Variants in UNC5C observed in about 807,000 individuals in gnomAD.
UNC5C encodes netrin receptor UNC5C.
A neutral mutation model predicts 99.8 loss-of-function variants in UNC5C; 47 were observed. That is an observed-to-expected ratio of 0.47 (90% CI 0.37 to 0.60). UNC5C has a LOEUF of 0.60. Among genes scored for constraint, UNC5C ranks in the 20% least tolerant of loss-of-function variants. UNC5C has a pLI of 0.00. For missense variants in UNC5C, 1,062 were observed against 1,165.9 expected, an observed-to-expected ratio of 0.91 and a Z score of 1.30; for synonymous variants, 487 against 452.2, an observed-to-expected ratio of 1.08 and a Z score of -0.98.
intron 1 of UNC5C, among the ~76,000 whole-genome samples, chr4:95,340,214 T>TGATACATAC (rs1743514507): frequency 6.6e-6 from 1 of 152,088 alleles, no homozygotes; most frequent in Non-Finnish European, 1.5e-5. Context: ...AAGCCTTAAT[T>TGATACATAC]TTCATCAACT....
intron 1 of UNC5C, among the ~76,000 whole-genome samples, chr4:95,399,834 CT>C (rs529728900): frequency 1.1e-3 from 162 of 152,272 alleles, no homozygotes; most frequent in African/African-American, 3.7e-3. Flanking sequence ...CTCCTCAGTA[CT>C]TATTAGAAAC....
Position 95,202,838 on chromosome 4 carries a change from C to T in UNC5C, c.2029G>A (p.Ala677Thr). The change falls in exon 12 of 16, where the codon GCG becomes ACG. Residue 677 changes from alanine to threonine, a missense_variant. Ala to Thr is a moderately conservative substitution (Grantham distance 58). Transcript: ENST00000453304. ...YALVGHSTTK[A>T]AAKRLKLAIF... The stretch of plus-strand genomic sequence containing the variant: ...GCCAGCTTGAGGCGCTTCGCAGCCG[C>T]TTTGGTGGTGGAATGTCCTACCAGG... 1 of 1,614,254 alleles carries T rather than the reference C, an allele frequency of 6.2e-7. No homozygotes were observed. Among genetic ancestry groups the T allele is most frequent in the South Asian group, 1.1e-5 (1 of 91,090 alleles).
intron 2 of UNC5C, among the ~76,000 whole-genome samples, chr4:95,324,427 A>G (rs542963845): frequency 3.9e-5 from 6 of 152,168 alleles, no homozygotes; most frequent in Non-Finnish European, 8.8e-5. Context: ...TCATGCCATT[A>G]TATATTACAA....
At position 95,443,422 on chromosome 4, in the gene UNC5C, T is replaced by C. The variant is rs1747007841; in HGVS notation, c.124+105312A>G. Among the ~76,000 whole-genome samples the C allele has an allele frequency of 2.6e-5, 4 of 152,248 alleles. No individual in the cohort carries two copies. The South Asian group carries it at 8.3e-4, about 31-fold the overall frequency. On this transcript the variant is annotated intron_variant, in intron 1 of 15. Transcript: ENST00000453304. ...GTATTAGTATGTTAAATACTATTTC[T>C]TTAACATTTCTTAACTTTCAAAAGA...
chr4:95,463,861 CA>C (rs1747688660), intron 1 of UNC5C, among the ~76,000 whole-genome samples: 1 of 152,112 alleles, frequency 6.6e-6, no homozygotes, highest in African/African-American at 2.4e-5. Flanking sequence ...CTAGAGAGGG[CA>C]AAAGATATGT....
intron 1 of UNC5C, among the ~76,000 whole-genome samples, chr4:95,463,046 CT>C (rs1276141788): frequency 2.6e-5 from 4 of 152,174 alleles, no homozygotes; most frequent in African/African-American, 9.7e-5. Context: ...GGAAGGTAGT[CT>C]TCCAGCTGCC....
chr4:95,436,565 A>C (rs115583547), intron 1 of UNC5C, among the ~76,000 whole-genome samples: 2,441 of 152,080 alleles, frequency 0.016, 63 homozygotes, highest in African/African-American at 0.054. Context: ...CTTGCTAAAA[A>C]TGTAAAGACT....
At chr4:95,385,568 A>T (rs557489744) in intron 1 of UNC5C, among the ~76,000 whole-genome samples, 17 of 151,708 alleles carry the variant, frequency 1.1e-4, no homozygotes, top group African/African-American at 3.9e-4. Flanking sequence ...GAGAGGAAAT[A>T]AAAAAAAAGT....
intron 2 of UNC5C, among the ~76,000 whole-genome samples, chr4:95,332,254 C>T (rs1227873257): frequency 6.6e-6 from 1 of 151,610 alleles, no homozygotes; most frequent in Non-Finnish European, 1.5e-5. Flanking sequence ...AAAGAGCCCG[C>T]ATCGCCAAGT....
At chr4:95,506,779 A>G (rs1459772951) in intron 1 of UNC5C, among the ~76,000 whole-genome samples, 1 of 151,858 alleles carries the variant, frequency 6.6e-6, no homozygotes, top group Non-Finnish European at 1.5e-5. Context: ...TGATAATAAT[A>G]TATATATTAT....
At chr4:95,453,120 C>G (rs1441955576) in intron 1 of UNC5C, among the ~76,000 whole-genome samples, 1 of 152,138 alleles carries the variant, frequency 6.6e-6, no homozygotes, top group African/African-American at 2.4e-5. Flanking sequence ...AGTTATCTCA[C>G]TCTAACACTG....
chr4:95,325,508 AAT>A (rs1742851127), intron 2 of UNC5C, among the ~76,000 whole-genome samples: 1 of 152,116 alleles, frequency 6.6e-6, no homozygotes, highest in South Asian at 2.1e-4. Flanking sequence ...CTGAGATTTT[AAT>A]TTTTGGTGCC....
chr4:95,199,694 C>T (rs1737578215), intron 12 of UNC5C, among the ~76,000 whole-genome samples: 1 of 152,128 alleles, frequency 6.6e-6, no homozygotes, highest in South Asian at 2.1e-4. Context: ...GAGGAGAGAA[C>T]TATGTGTGTG....
At position 95,548,827 on chromosome 4, in the gene UNC5C, G is replaced by T. The variant is rs745996659; in HGVS notation, c.31C>A (p.Arg11Ser). 1 of 1,613,278 alleles carries T rather than the reference G, an allele frequency of 6.2e-7. No individual in the cohort carries two copies. Among genetic ancestry groups the T allele is most frequent in the Non-Finnish European group, 8.5e-7 (1 of 1,179,966 alleles). The change falls in exon 1 of 16, where the codon CGC becomes AGC. Residue 11 changes from arginine (R) to serine (S), a missense_variant. Around this residue, in one of 3 missense-constraint regions of UNC5C, gnomAD observed 249 missense variants for 295.1 expected, o/e 0.84. Transcript: ENST00000453304. The stretch of plus-strand genomic sequence containing the variant: ...AAGTATCCCAGTCCCAGTCCGCAGC[G>T]GGCCGCTGTCGCCCGCAGACCTTTC... MRKGLRATAA[R>S]CGLGLGYLLQ...
chr4:95,245,452 G>C (rs543487085), intron 5 of UNC5C, among the ~76,000 whole-genome samples: 97 of 152,138 alleles, frequency 6.4e-4, no homozygotes, highest in African/African-American at 2.3e-3. Flanking sequence ...ACCTAGTCAA[G>C]CTCCAAAATT....
rs1328503163 is a variant in UNC5C, at chr4:95,166,831, T to A, written c.*2403A>T. On this transcript the variant is annotated 3_prime_UTR_variant, in exon 16 of 16. Coordinates refer to ENST00000453304, the MANE Select transcript of UNC5C (RefSeq NM_003728.4). Reference sequence around the variant, plus strand: ...GTGTGTGTATAACTGCGTGTATATATATTTGATTTTTAATTTAGAATACAG... The same window carrying A: ...GTGTGTGTATAACTGCGTGTATATAAATTTGATTTTTAATTTAGAATACAG... 6.6e-6 allele frequency: 1 copy of A among 152,186 alleles called. No homozygotes were observed. Among genetic ancestry groups the A allele is most frequent in the African/African-American group, 2.4e-5 (1 of 41,444 alleles). 9.4% of individuals were successfully genotyped at this position (152,186 alleles called of 1,614,324 possible). A position where few individuals can be genotyped will look rare whatever the true frequency, so the allele number is the denominator to read the frequency against.
chr4:95,253,328 T>C (rs897362001), intron 4 of UNC5C, among the ~76,000 whole-genome samples: 1 of 152,170 alleles, frequency 6.6e-6, no homozygotes, highest in African/African-American at 2.4e-5. Flanking sequence ...TAGAAACCAC[T>C]TGTTTGTATG....
chr4:95,483,681 C>T (rs1301437400), intron 1 of UNC5C, among the ~76,000 whole-genome samples: 2 of 151,784 alleles, frequency 1.3e-5, no homozygotes, highest in Non-Finnish European at 2.9e-5. Context: ...CTGAAGGGTT[C>T]CCTCTCCTTG....
intron 1 of UNC5C, among the ~76,000 whole-genome samples, chr4:95,433,225 G>A (rs978624928): frequency 1.3e-5 from 2 of 152,052 alleles, no homozygotes; most frequent in African/African-American, 4.8e-5. Context: ...AATGTAAAAT[G>A]ATGCAAATAA....
Sources: gnomAD v4.1 joint callset for allele counts (sites outside exome capture counted in the v4.1 genomes callset) on GRCh38, gnomAD v4.1.1 for gene constraint, gnomAD v4.1.1 regional missense constraint, MANE v1.5 for transcripts, NCBI Gene and HGNC (gene_info 2026-07-23, HGNC 2026-07-21) for gene names.